The following SORCS1 variants were observed in gnomAD, a reference collection of about 807,000 sequenced individuals.
SORCS1 encodes the protein sortilin related VPS10 domain containing receptor 1, also known as VPS10 domain-containing receptor SorCS1.
SORCS1 carries 60 observed loss-of-function variants against 146.1 expected under a neutral mutation model. That is an observed-to-expected ratio of 0.41 (90% CI 0.33 to 0.51). The LOEUF is 0.51. SORCS1 is among the 20% of genes least tolerant of loss of function. SORCS1 has a pLI of 0.21. For missense variants in SORCS1, 1,352 were observed against 1,487.6 expected (o/e 0.91, Z 1.50); for synonymous variants, 637 against 584.0 (o/e 1.09, Z -1.31).
chr10:107,095,434 C>T (rs1964480515), intron 1 of SORCS1, among the ~76,000 whole-genome samples: 1 of 152,090 alleles, frequency 6.6e-6, no homozygotes, highest in Non-Finnish European at 1.5e-5. Context: ...CTCATAGTCT[C>T]CCTGAACCCA....
chr10:106,586,624 C>T (rs563484643), intron 24 of SORCS1, among the ~76,000 whole-genome samples: 5 of 152,062 alleles, frequency 3.3e-5, no homozygotes, highest in East Asian at 1.9e-4. Flanking sequence ...TACGGTCCCC[C>T]GTAATCTCAG....
At chr10:106,782,922 C>T (rs955384204) in intron 3 of SORCS1, among the ~76,000 whole-genome samples, 1 of 152,178 alleles carries the variant, frequency 6.6e-6, no homozygotes, top group African/African-American at 2.4e-5. Context: ...TAGTCAATGT[C>T]TTCATGAATG....
At chr10:107,163,464 T>G (rs895749383) in intron 1 of SORCS1, among the ~76,000 whole-genome samples, 3 of 152,176 alleles carry the variant, frequency 2.0e-5, no homozygotes, top group Admixed American at 6.5e-5. Flanking sequence ...TCCACTGCAG[T>G]TCTCCCTTGT....
At chr10:106,709,082 A>AT (rs958982951) in intron 7 of SORCS1, 141 bp downstream of exon 7, 34 of 613,946 alleles carry the variant, frequency 5.5e-5, no homozygotes, top group African/African-American at 5.3e-4. Context: ...AAAGATAGTG[A>AT]TTTTCCCCTC....
At chr10:106,803,007 C>A (rs1430829437) in intron 3 of SORCS1, among the ~76,000 whole-genome samples, 1 of 152,142 alleles carries the variant, frequency 6.6e-6, no homozygotes, top group African/African-American at 2.4e-5. Flanking sequence ...AAGAACTATC[C>A]TTTAGTCAGG....
At chr10:107,126,946 C>G (rs1479651484) in intron 1 of SORCS1, among the ~76,000 whole-genome samples, 1 of 152,152 alleles carries the variant, frequency 6.6e-6, no homozygotes, top group African/African-American at 2.4e-5. Context: ...AGCAAGGGAA[C>G]AGCATACAAC....
Position 106,671,327 on chromosome 10 carries a change from T to C in SORCS1, c.2099A>G (p.Lys700Arg), listed in dbSNP as rs1390990441. The change falls in exon 16 of 26, where the codon AAG becomes AGG. Residue 700 changes from lysine to arginine, a missense_variant. Physicochemically the swap from Lys to Arg is conservative, Grantham distance 26 (BLOSUM62 2). Coordinates refer to ENST00000263054, the MANE Select transcript of SORCS1 (RefSeq NM_052918.5). ...CATACACTTCCGCTCTGATTTTCGC[T>C]TCTTATATATCCTTTTTGCTCCCAT... ...CIMGAKRIYKKRKSERKCMQG... is the reference protein window; with the variant it reads ...CIMGAKRIYKRRKSERKCMQG... 3 of 1,614,058 alleles carry C rather than the reference T, an allele frequency of 1.9e-6. No individual in the cohort carries two copies. The highest frequency in any genetic ancestry group is 2.5e-6 in the Non-Finnish European group (3 of 1,180,010).
chr10:106,943,734 C>T (rs983376455), intron 2 of SORCS1, among the ~76,000 whole-genome samples: 4 of 151,956 alleles, frequency 2.6e-5, no homozygotes, highest in Admixed American at 1.3e-4. Context: ...GGCGTGAACC[C>T]GGGAGGCAGA....
At chr10:106,862,874 G>A (rs1384215543) in intron 2 of SORCS1, among the ~76,000 whole-genome samples, 1 of 149,024 alleles carries the variant, frequency 6.7e-6, no homozygotes. Flanking sequence ...CAAGCATTTA[G>A]TTGAGACCAA....
chr10:106,866,592 G>A (rs574712764), intron 2 of SORCS1, among the ~76,000 whole-genome samples: 1 of 152,190 alleles, frequency 6.6e-6, no homozygotes, highest in African/African-American at 2.4e-5. Flanking sequence ...ACTCAAGGGG[G>A]AGAAAAGCCC....
At chr10:107,125,246 T>C (rs1590192920) in intron 1 of SORCS1, among the ~76,000 whole-genome samples, 1 of 152,268 alleles carries the variant, frequency 6.6e-6, no homozygotes, top group East Asian at 1.9e-4. Context: ...CCACCATGCC[T>C]GGCCCCGCTC....
intron 2 of SORCS1, among the ~76,000 whole-genome samples, chr10:106,894,305 GTGTA>G: frequency 2.1e-5 from 3 of 144,584 alleles, no homozygotes; most frequent in East Asian, 4.1e-4. Context: ...GTGTGTGTGT[GTGTA>G]GGGAGAATAG....
chr10:107,075,913 G>T (rs1962844077), intron 1 of SORCS1, among the ~76,000 whole-genome samples: 1 of 151,652 alleles, frequency 6.6e-6, no homozygotes, highest in Non-Finnish European at 1.5e-5. Context: ...TTTTATTATT[G>T]TCACCAGCCA....
chr10:107,154,008 C>CTTTTTTTTTTTTTTTTTTTTTTTTTT (rs71025579), intron 1 of SORCS1, among the ~76,000 whole-genome samples: 1 of 94,036 alleles, frequency 1.1e-5, no homozygotes, highest in Non-Finnish European at 2.1e-5. Flanking sequence ...CTTTTCTTTT[C>CTTTTTTTTTTTTTTTTTTTTTTTTTT]TTTTTTTTTT....
rs116997965 is a variant in SORCS1, at chr10:107,002,027, A to T, written c.559-45447T>A. Among the ~76,000 whole-genome samples, 829 of 152,332 alleles carry T rather than the reference A, an allele frequency of 5.4e-3. 5 individuals are homozygous for T. Among genetic ancestry groups the T allele is most frequent in the Middle Eastern group, 0.034 (10 of 294 alleles). Reference sequence around the variant, plus strand: ...GATTCTGAAGGAAAAAATATCCAAGAATACATAAATCTTAAAAAATGTGTT... The same window carrying T: ...GATTCTGAAGGAAAAAATATCCAAGTATACATAAATCTTAAAAAATGTGTT... On this transcript the variant is annotated intron_variant, in intron 1 of 25. Transcript: ENST00000263054.
At chr10:106,671,751 T>C (rs1851624455) in intron 15 of SORCS1, among the ~76,000 whole-genome samples, 3 of 152,234 alleles carry the variant, frequency 2.0e-5, no homozygotes, top group Admixed American at 2.0e-4. Flanking sequence ...TGGTCATTTA[T>C]GAGGGCATGA....
At chr10:106,658,618 G>A (rs549328259) in intron 17 of SORCS1, among the ~76,000 whole-genome samples, 3 of 152,322 alleles carry the variant, frequency 2.0e-5, no homozygotes, top group East Asian at 1.9e-4. Flanking sequence ...GGATGGAGAA[G>A]GGGGCTAATT....
chr10:106,596,181 G>A (rs1040624498), intron 24 of SORCS1, among the ~76,000 whole-genome samples: 3 of 151,980 alleles, frequency 2.0e-5, no homozygotes, highest in East Asian at 1.9e-4. Context: ...CTCTCTATAA[G>A]CATTTATGCA....
intron 1 of SORCS1, among the ~76,000 whole-genome samples, chr10:107,013,087 T>A (rs1377788333): frequency 6.6e-6 from 1 of 152,158 alleles, no homozygotes; most frequent in East Asian, 1.9e-4. Context: ...CCTAGGGGCT[T>A]GTAGAGTACC....
Sources: gnomAD v4.1 joint callset for allele counts (sites outside exome capture counted in the v4.1 genomes callset) on GRCh38, gnomAD v4.1.1 for gene constraint, MANE v1.5 for transcripts, NCBI Gene and HGNC (gene_info 2026-07-23, HGNC 2026-07-21) for gene names.